SLFN12L: variants seen among roughly 807,000 people sequenced by gnomAD.
SLFN12L encodes the protein schlafen family member 12-like.
In SLFN12L, 34 loss-of-function variants were observed where a neutral mutation model predicts 34.8. The observed-to-expected ratio is 0.98, with a 90% confidence interval of 0.74 to 1.30. The LOEUF (loss-of-function observed/expected upper bound fraction) is 1.30, where lower values mean the gene tolerates loss of function less well. Ranked by LOEUF, SLFN12L falls within the 50% of genes most tolerant of loss-of-function variation. The pLI, the probability that SLFN12L is intolerant of heterozygous loss-of-function variation, is 0.00. For synonymous variants in SLFN12L, 259 were observed against 247.5 expected (o/e 1.05, Z -0.44); for missense variants, 703 against 696.2 (o/e 1.01, Z -0.11).
chr17:35,487,353 CA>C (rs1914621906), intron 2 of SLFN12L, among the ~76,000 whole-genome samples: 1 of 152,284 alleles, frequency 6.6e-6, no homozygotes, highest in Non-Finnish European at 1.5e-5. Context: ...TTTTGACAGA[CA>C]TTGCTACAGA....
intron 2 of SLFN12L, among the ~76,000 whole-genome samples, chr17:35,493,107 T>C (rs1224814615): frequency 6.6e-6 from 1 of 152,062 alleles, no homozygotes; most frequent in Non-Finnish European, 1.5e-5. Context: ...TATGCGTGGG[T>C]GTATGTTTGG....
At chr17:35,512,176 A>G in intron 2 of SLFN12L, among the ~76,000 whole-genome samples, 1 of 85,164 alleles carries the variant, frequency 1.2e-5, no homozygotes, top group Admixed American at 1.4e-4. Flanking sequence ...TTTTTTTGAG[A>G]CGGAGTCTCG....
In SLFN12L at chr17:35,473,751, T is replaced by C. The variant is rs1300282939; in HGVS notation, c.*1172A>G. 6.6e-6 allele frequency: 1 copy of C among 152,246 alleles called. No individual in the cohort carries two copies. Among genetic ancestry groups the C allele is most frequent in the African/African-American group, 2.4e-5 (1 of 41,466 alleles). 9.4% of individuals were successfully genotyped at this position (152,246 alleles called of 1,614,324 possible). A position where few individuals can be genotyped will look rare whatever the true frequency, so the allele number is the denominator to read the frequency against. ...TGGTACCAGCTCCTCTTTGTACCTC[T>C]GGTAGAATTCAGCTGTGAATCTGTC... On this transcript the variant is annotated 3_prime_UTR_variant, in exon 5 of 5. Coordinates refer to ENST00000628453, the MANE Select transcript of SLFN12L (RefSeq NM_001363830.2).
At chr17:35,486,632 C>T (rs1006260374) in intron 2 of SLFN12L, among the ~76,000 whole-genome samples, 1 of 152,078 alleles carries the variant, frequency 6.6e-6, no homozygotes, top group Non-Finnish European at 1.5e-5. Flanking sequence ...AGGACTGAGC[C>T]GACCAAATCT....
intron 2 of SLFN12L, chr17:35,490,262 G>T (rs1914781621): frequency 5.2e-6 from 8 of 1,529,720 alleles, no homozygotes; most frequent in Non-Finnish European, 7.2e-6. Flanking sequence ...GTACCTCTCG[G>T]ATGGTTCAAA....
At chr17:35,503,246 G>C (rs1050641050) in intron 2 of SLFN12L, among the ~76,000 whole-genome samples, 5 of 152,168 alleles carry the variant, frequency 3.3e-5, no homozygotes, top group African/African-American at 1.2e-4. Flanking sequence ...TGTAAATTCT[G>C]TGTGTAAATA....
At chr17:35,519,476 A>G (rs1915935748) in intron 2 of SLFN12L, among the ~76,000 whole-genome samples, 1 of 152,232 alleles carries the variant, frequency 6.6e-6, no homozygotes, top group Non-Finnish European at 1.5e-5. Context: ...GTTCATTCAT[A>G]CAAGTAAAAG....
rs1913730450 is a variant in SLFN12L, at chr17:35,467,257, T to C, written c.*7666A>G. 5.3e-5 allele frequency among the ~76,000 whole-genome samples: 8 copies of C among 152,226 alleles called. No individual in the cohort carries two copies. Among genetic ancestry groups the C allele is most frequent in the Admixed American group, 4.6e-4 (7 of 15,280 alleles). On this transcript the variant is annotated 3_prime_UTR_variant, in exon 5 of 5. Coordinates refer to ENST00000628453, the MANE Select transcript of SLFN12L (RefSeq NM_001363830.2). The stretch of plus-strand genomic sequence containing the variant: ...ATACATGATGGAGCTAGGTGGAATA[T>C]TACCGAATGCTGGATGCCCTGGCCA...
chr17:35,464,315 C>T lies in SLFN12L; in HGVS notation c.*10608G>A, dbSNP rs1172765764. 3 of 152,098 alleles carry T rather than the reference C, an allele frequency of 2.0e-5. No individual in the cohort carries two copies. The highest frequency in any genetic ancestry group is 4.4e-5 in the Non-Finnish European group (3 of 68,004). 9.4% of individuals were successfully genotyped at this position (152,098 alleles called of 1,614,324 possible). ...TGGGGGCGCATGTGAAGGCTCATTA[C>T]ACAGGTAAACATGTGTCATGGGGTT... On this transcript the variant is annotated 3_prime_UTR_variant, in exon 5 of 5. Coordinates refer to ENST00000628453, the MANE Select transcript of SLFN12L (RefSeq NM_001363830.2).
Position 35,469,318 on chromosome 17 carries a change from A to T in SLFN12L, c.*5605T>A, listed in dbSNP as rs1192299246. On this transcript the variant is annotated 3_prime_UTR_variant, in exon 5 of 5. Coordinates refer to ENST00000628453, the MANE Select transcript of SLFN12L (RefSeq NM_001363830.2). ...TATATATATAAAATATATATATATTATATATATAAATATATATATAATATA... is the reference window on the plus strand; with the variant it reads ...TATATATATAAAATATATATATATTTTATATATAAATATATATATAATATA... Among the ~76,000 whole-genome samples, 1 of 128,784 alleles carries T rather than the reference A, an allele frequency of 7.8e-6. No homozygotes were observed. Among genetic ancestry groups the T allele is most frequent in the Non-Finnish European group, 1.6e-5 (1 of 62,078 alleles). 84.5% of individuals were successfully genotyped at this position (128,784 alleles called of 152,430 possible).
rs1023124750 is a variant in SLFN12L, at chr17:35,466,250, T to G, written c.*8673A>C. Among the ~76,000 whole-genome samples the G allele has an allele frequency of 7.2e-5, 11 of 152,332 alleles. No homozygotes were observed. The highest frequency in any genetic ancestry group is 2.2e-4 in the African/African-American group (9 of 41,576). ...AATGTATAATGACATATATCTACTA[T>G]ATAGTATCAAACACAGGATTTTCAT... On this transcript the variant is annotated 3_prime_UTR_variant, in exon 5 of 5. Transcript: ENST00000628453.
rs541173190 is a variant in SLFN12L, at chr17:35,522,737, A to G, written c.-373T>C. 5.0e-4 allele frequency: 800 copies of G among 1,613,016 alleles called. 1 individual carries two copies. The highest frequency in any genetic ancestry group is 2.3e-3 in the East Asian group (102 of 44,858). ...TTCTGCTTCAAAGTAAGGGCAGTGC[A>G]AGTGCAGTAGTCCTGGCCCTGCCAG... On this transcript the variant is annotated 5_prime_UTR_variant, in exon 2 of 5. Transcript: ENST00000628453.
chr17:35,506,703 T>A (rs1915474277), intron 2 of SLFN12L, among the ~76,000 whole-genome samples: 1 of 152,204 alleles, frequency 6.6e-6, no homozygotes, highest in Non-Finnish European at 1.5e-5. Context: ...AGTCTCTCAA[T>A]GTCACTTCAT....
intron 4 of SLFN12L, among the ~76,000 whole-genome samples, chr17:35,477,065 A>G (rs2142126069): frequency 6.6e-6 from 1 of 152,356 alleles, no homozygotes; most frequent in South Asian, 2.1e-4. Flanking sequence ...ATCCTCTTAC[A>G]GGCTCAGAAA....
chr17:35,495,389 CA>C (rs1198202134), intron 2 of SLFN12L, among the ~76,000 whole-genome samples: 1 of 152,158 alleles, frequency 6.6e-6, no homozygotes, highest in Non-Finnish European at 1.5e-5. Flanking sequence ...TCATATTATA[CA>C]CTTTAAATAC....
chr17:35,483,267 C>T (rs1180381002), intron 2 of SLFN12L, among the ~76,000 whole-genome samples: 3 of 152,206 alleles, frequency 2.0e-5, no homozygotes, highest in Non-Finnish European at 4.4e-5. Context: ...TGCAGGTCTC[C>T]TCTGAGCTGT....
chr17:35,478,197 T>C lies in SLFN12L; in HGVS notation c.1166-12A>G. The C allele has an allele frequency of 6.6e-7, 1 of 1,511,214 alleles. No homozygotes were observed. The highest frequency in any genetic ancestry group is 9.0e-7 in the Non-Finnish European group (1 of 1,113,474). 93.6% of individuals were successfully genotyped at this position (1,511,214 alleles called of 1,614,324 possible). Reference sequence around the variant, plus strand: ...CAGTTCCTCACATACTATGGAATAATGTTAGAAAACAAAAATCACGCTCTT... The same window carrying C: ...CAGTTCCTCACATACTATGGAATAACGTTAGAAAACAAAAATCACGCTCTT... On this transcript the variant is annotated splice_polypyrimidine_tract_variant and intron_variant, in intron 3 of 4. Coordinates refer to ENST00000628453, the MANE Select transcript of SLFN12L (RefSeq NM_001363830.2).
chr17:35,518,578 A>C (rs966504325), intron 2 of SLFN12L, among the ~76,000 whole-genome samples: 2 of 151,054 alleles, frequency 1.3e-5, no homozygotes, highest in Non-Finnish European at 3.0e-5. Context: ...ACATTTATGC[A>C]CCGAACAAAC....
chr17:35,531,685 C>A (rs558784367), intron 1 of SLFN12L, among the ~76,000 whole-genome samples: 1 of 152,112 alleles, frequency 6.6e-6, no homozygotes, highest in Non-Finnish European at 1.5e-5. Flanking sequence ...GGCGCGATCT[C>A]GGTTCACTGC....
Sources: allele counts gnomAD v4.1 joint callset (sites outside exome capture counted in the v4.1 genomes callset), GRCh38; gene constraint gnomAD v4.1.1; transcripts MANE v1.5; gene names NCBI Gene and HGNC (gene_info 2026-07-23, HGNC 2026-07-21).